MSR1: variants seen among roughly 807,000 people sequenced by gnomAD.
The protein encoded by MSR1 is macrophage scavenger receptor 1, also known as macrophage scavenger receptor types I and II.
In MSR1, 53 loss-of-function variants were observed where a neutral mutation model predicts 47.2. The observed-to-expected ratio is 1.12, with a 90% CI of 0.90 to 1.41. The LOEUF (loss-of-function observed/expected upper bound fraction) is 1.41, where lower values mean the gene tolerates loss of function less well. MSR1 is among the 40% of genes most tolerant of loss of function. The pLI, the probability that MSR1 is intolerant of heterozygous loss-of-function variation, is 0.00. For synonymous variants in MSR1, 239 were observed against 185.6 expected (o/e 1.29, Z -2.34); for missense variants, 786 against 546.9 (o/e 1.44, Z -4.36).
intron 8 of MSR1, among the ~76,000 whole-genome samples, chr8:16,136,571 A>T (rs1403598799): frequency 1.3e-5 from 2 of 151,726 alleles, no homozygotes; most frequent in Non-Finnish European, 2.9e-5. Context: ...TTAGCTATAC[A>T]CTCTATTAAG....
chr8:16,164,488 T>C (rs909916678), intron 4 of MSR1, among the ~76,000 whole-genome samples: 3 of 151,932 alleles, frequency 2.0e-5, no homozygotes, highest in African/African-American at 7.2e-5. Flanking sequence ...AAAATCAATT[T>C]AATGTATCTA....
At chr8:16,158,095 C>T (rs964471993) in intron 5 of MSR1, among the ~76,000 whole-genome samples, 7 of 151,894 alleles carry the variant, frequency 4.6e-5, no homozygotes, top group African/African-American at 1.7e-4. Context: ...TGTCAGCTCC[C>T]TTGCTGATAC....
intron 5 of MSR1, among the ~76,000 whole-genome samples, chr8:16,162,827 T>C (rs1337628401): frequency 6.6e-6 from 1 of 151,930 alleles, no homozygotes; most frequent in African/African-American, 2.4e-5. Context: ...ATTTATAGCT[T>C]ATCTTCTTTC....
chr8:16,138,069 G>C (rs1304577514), intron 8 of MSR1, among the ~76,000 whole-genome samples: 2 of 150,592 alleles, frequency 1.3e-5, no homozygotes, highest in Non-Finnish European at 3.0e-5. Flanking sequence ...TTTGGAAAAA[G>C]ACTAGTATTC....
chr8:16,183,583 A>C (rs1801901762), intron 1 of MSR1, among the ~76,000 whole-genome samples: 1 of 143,132 alleles, frequency 7.0e-6, no homozygotes, highest in African/African-American at 2.6e-5. Flanking sequence ...TTATGTTAAT[A>C]TATTACATAA....
intron 1 of MSR1, chr8:16,186,064 G>A (rs1380201617): frequency 9.2e-7 from 1 of 1,083,306 alleles, no homozygotes; most frequent in Non-Finnish European, 1.3e-6. Flanking sequence ...TTTCCTGTGT[G>A]GTAGAAGCAG....
intron 8 of MSR1, among the ~76,000 whole-genome samples, chr8:16,125,734 T>C (rs1026874677): frequency 1.1e-4 from 16 of 152,098 alleles, no homozygotes; most frequent in Non-Finnish European, 2.4e-4. Flanking sequence ...GTACTTCAAC[T>C]CTGCTCATAA....
At chr8:16,184,221 C>T (rs1016264530) in intron 1 of MSR1, among the ~76,000 whole-genome samples, 18 of 151,890 alleles carry the variant, frequency 1.2e-4, no homozygotes, top group African/African-American at 4.1e-4. Flanking sequence ...TATTATTATA[C>T]TTTCTTTTCA....
At chr8:16,175,444 GA>G (rs1470724020) in intron 2 of MSR1, 144 bp from the exon 3 acceptor site, 1 of 738,832 alleles carries the variant, frequency 1.4e-6, no homozygotes, top group Non-Finnish European at 2.2e-6. Flanking sequence ...CTTTGCAGTA[GA>G]AAGCAAAAGG....
chr8:16,138,405 C>T (rs917701288), intron 8 of MSR1, among the ~76,000 whole-genome samples: 1 of 152,128 alleles, frequency 6.6e-6, no homozygotes, highest in Non-Finnish European at 1.5e-5. Flanking sequence ...CTTTTCTCTT[C>T]ATTATGCATT....
At chr8:16,139,207 T>C (rs1800465479) in intron 8 of MSR1, 5 of 915,084 alleles carry the variant, frequency 5.5e-6, no homozygotes, top group Non-Finnish European at 6.5e-6. Context: ...TTCAGCTTCT[T>C]GCATTTTCAT....
chr8:16,150,095 G>T, intron 7 of MSR1, 136 bp downstream of exon 7: 1 of 200,102 alleles, frequency 5.0e-6, no homozygotes, highest in African/African-American at 2.6e-5. Context: ...TTAAAAATAT[G>T]TATACTACAT....
At chr8:16,179,904 GTATT>G (rs943804021) in intron 1 of MSR1, among the ~76,000 whole-genome samples, 4 of 90,210 alleles carry the variant, frequency 4.4e-5, no homozygotes, top group Non-Finnish European at 9.9e-5. Context: ...AAAAAAAAAA[GTATT>G]TATTTATTTA....
chr8:16,164,104 C>T lies in MSR1; in HGVS notation c.778G>A (p.Glu260Lys), dbSNP rs1018696433. The stretch of plus-strand genomic sequence containing the variant: ...ATATTTCTCAAGGTCTGAGAATGTT[C>T]CCAATCTTTCAGTCTGAGATCATTA... ...ITNDLRLKDW[E>K]HSQTLRNITL... Residue 260 changes from glutamate (E) to lysine (K), a missense_variant, in exon 5 of 10, where the codon GAA (glutamate) becomes AAA (lysine). Glu to Lys is a moderately conservative substitution (Grantham distance 56). Transcript: ENST00000262101. 7 of 1,610,556 alleles carry T rather than the reference C, an allele frequency of 4.3e-6. No individual in the cohort carries two copies. The African/African-American group carries it at 6.7e-5, about 15-fold the overall frequency.
chr8:16,168,450 A>G lies in MSR1; in HGVS notation c.630+8T>C. The G allele has an allele frequency of 1.2e-6, 2 of 1,613,854 alleles. No homozygotes were observed. On this transcript the variant is annotated splice_region_variant and intron_variant, in intron 4 of 9. Transcript: ENST00000262101. ...CAGCAAGTGACCTTGCAGTCCACAA[A>G]CTCTTACCTCTTGTTGTTTGAAGGT...
intron 1 of MSR1, among the ~76,000 whole-genome samples, chr8:16,179,879 CAAAAAAA>C (rs58441043): frequency 1.4e-4 from 11 of 80,950 alleles, no homozygotes; most frequent in East Asian, 9.5e-4. Flanking sequence ...CCCTGTGTCT[CAAAAAAA>C]AAAAAAAAAA....
intron 1 of MSR1, among the ~76,000 whole-genome samples, chr8:16,178,608 G>C (rs187724545): frequency 1.3e-5 from 2 of 152,154 alleles, no homozygotes; most frequent in African/African-American, 4.8e-5. Flanking sequence ...ATAATCCTTT[G>C]GGTATATACC....
chr8:16,165,174 A>ATTTATATATATATTTT (rs1801269756), intron 4 of MSR1, among the ~76,000 whole-genome samples: 1 of 152,080 alleles, frequency 6.6e-6, no homozygotes, highest in Admixed American at 6.5e-5. Flanking sequence ...AAAGGGACTA[A>ATTTATATATATATTTT]ACATTAAACA....
Position 16,177,917 on chromosome 8 carries a change from A to G in MSR1, c.72T>C (p.Asp24=). 1.2e-6 allele frequency: 2 copies of G among 1,613,964 alleles called. No individual in the cohort carries two copies. The highest frequency in any genetic ancestry group is 1.1e-5 in the South Asian group (1 of 91,070). ...GAAGCAAAGCTGTCATTGAGCGAGC[A>G]TCAAATTTCACAGATTCGGAGCAGC... ...TDSCSESVKF[D]ARSMTALLPP... The change falls in exon 2 of 10, where the codon GAT becomes GAC. Residue 24 remains aspartate (D), a synonymous_variant. Transcript: ENST00000262101.
Sources: gnomAD v4.1 joint callset for allele counts (sites outside exome capture counted in the v4.1 genomes callset) on GRCh38, gnomAD v4.1.1 for gene constraint, MANE v1.5 for transcripts, NCBI Gene and HGNC (gene_info 2026-07-23, HGNC 2026-07-21) for gene names.